The following CC2D2B variants were observed in gnomAD, a reference collection of about 807,000 sequenced individuals.
CC2D2B encodes coiled-coil and C2 domain containing 2B.
A neutral mutation model predicts 161.2 loss-of-function variants in CC2D2B; 128 were observed. That is an observed-to-expected ratio of 0.79 (90% CI 0.69 to 0.92). The LOEUF (loss-of-function observed/expected upper bound fraction) is 0.92, where lower values mean the gene tolerates loss of function less well. Ranked by LOEUF, CC2D2B falls within the 40% of genes least tolerant of loss-of-function variation. CC2D2B has a pLI of 0.00. For missense variants in CC2D2B, 1,173 were observed against 1,375.1 expected (o/e 0.85, Z 2.32); for synonymous variants, 391 against 449.8 (o/e 0.87, Z 1.65).
At position 95,996,125 on chromosome 10, in the gene CC2D2B, G is replaced by A. The variant is rs1039779221; in HGVS notation, c.2740-18G>A. 6.5e-6 allele frequency: 8 copies of A among 1,230,488 alleles called. No individual in the cohort carries two copies. In the African/African-American group the frequency reaches 7.5e-5, roughly 12 times the overall value. 76.2% of individuals were successfully genotyped at this position (1,230,488 alleles called of 1,614,324 possible). Reference sequence around the variant, plus strand: ...TATAGTATTTCAAAATCTAGTCAATGTTTATTATGTGTTTCAGGATACTGT... The same window carrying A: ...TATAGTATTTCAAAATCTAGTCAATATTTATTATGTGTTTCAGGATACTGT... On this transcript the variant is annotated intron_variant, in intron 23 of 34. Transcript: ENST00000646931.
At chr10:95,998,971 C>A (rs1389397410) in intron 24 of CC2D2B, among the ~76,000 whole-genome samples, 1 of 152,088 alleles carries the variant, frequency 6.6e-6, no homozygotes, top group Non-Finnish European at 1.5e-5. Flanking sequence ...ATCCCAGCTA[C>A]TTGGGAGGCT....
At position 95,983,646 on chromosome 10, in the gene CC2D2B, G is replaced by A. The variant is rs866686932; in HGVS notation, c.2123G>A (p.Arg708His). ...GGGCAGGATATTCCAAAGTATTTTC[G>A]TCTTGAACAGTTGCAAGATGAATTT... Reference protein sequence around the residue: ...LKGQDIPKYFRLEQLQDEFNF... With the variant: ...LKGQDIPKYFHLEQLQDEFNF... The change falls in exon 19 of 35, where the codon CGT becomes CAT. Residue 708 changes from arginine (R) to histidine (H), a missense_variant. Transcript: ENST00000646931. 2.8e-5 allele frequency: 35 copies of A among 1,231,592 alleles called. No homozygotes were observed. The highest frequency in any genetic ancestry group is 6.2e-4 in the Middle Eastern group (2 of 3,204). 76.3% of individuals were successfully genotyped at this position (1,231,592 alleles called of 1,614,324 possible).
intron 7 of CC2D2B, 122 bp downstream of exon 7, chr10:95,938,311 T>C: frequency 1.4e-6 from 1 of 701,954 alleles, no homozygotes; most frequent in Non-Finnish European, 2.4e-6. Context: ...TTTTCTATAT[T>C]TGTTTTTCAT....
intron 15 of CC2D2B, among the ~76,000 whole-genome samples, chr10:95,971,250 G>A (rs542286489): frequency 6.6e-6 from 1 of 152,060 alleles, no homozygotes; most frequent in African/African-American, 2.4e-5. Flanking sequence ...TTAGCCAGGT[G>A]TGGTGGTGGG....
At chr10:95,974,543 GATTA>G (rs1195652434) in intron 17 of CC2D2B, among the ~76,000 whole-genome samples, 1 of 152,106 alleles carries the variant, frequency 6.6e-6, no homozygotes, top group African/African-American at 2.4e-5. Flanking sequence ...TTAATTTTCA[GATTA>G]ATTATTTGTG....
chr10:95,930,960 A>G (rs7913608), intron 6 of CC2D2B, among the ~76,000 whole-genome samples: 90,548 of 152,052 alleles, frequency 0.6, 27,587 homozygotes, highest in African/African-American at 0.67. Context: ...AGAGGGAATG[A>G]TATCAGCTCC....
intron 19 of CC2D2B, among the ~76,000 whole-genome samples, chr10:95,985,845 C>T (rs2077697052): frequency 6.6e-6 from 1 of 152,082 alleles, no homozygotes; most frequent in South Asian, 2.1e-4. Context: ...CTAAAATGGC[C>T]GCTCTAGGGA....
In CC2D2B at chr10:95,924,319, G is replaced by C. The variant is rs1292047638; in HGVS notation, c.103G>C (p.Asp35His). The change falls in exon 4 of 35, where the codon GAT (aspartate) becomes CAT (histidine). Residue 35 changes from aspartate to histidine, a missense_variant. By Grantham distance (81) the Asp-to-His change is moderately conservative (BLOSUM62 -1). This residue lies in a region of CC2D2B where 298 missense variants were observed against 261.2 expected (regional missense o/e 1.14). Transcript: ENST00000646931. Reference protein sequence around the residue: ...IIDKHLQKDLDAEENQNVAKT... With the variant: ...IIDKHLQKDLHAEENQNVAKT... Reference sequence around the variant, plus strand: ...TTATGTTGGTTTCCTGATAGATTTAGATGCAGAAGAAAATCAAAATGTAGC... The same window carrying C: ...TTATGTTGGTTTCCTGATAGATTTACATGCAGAAGAAAATCAAAATGTAGC... 13 of 1,499,262 alleles carry C rather than the reference G, an allele frequency of 8.7e-6. No individual in the cohort carries two copies. In the Admixed American group the frequency reaches 2.7e-4, roughly 31 times the overall value. 92.9% of individuals were successfully genotyped at this position (1,499,262 alleles called of 1,614,324 possible).
At chr10:95,998,996 G>A (rs1055705465) in intron 24 of CC2D2B, among the ~76,000 whole-genome samples, 4 of 152,056 alleles carry the variant, frequency 2.6e-5, no homozygotes, top group African/African-American at 7.2e-5. Context: ...CAGGAGAATC[G>A]CTTGAACTCA....
intron 6 of CC2D2B, among the ~76,000 whole-genome samples, chr10:95,930,841 A>T (rs558155133): frequency 5.9e-5 from 9 of 151,996 alleles, no homozygotes; most frequent in Admixed American, 3.9e-4. Flanking sequence ...TTGGCCTGAA[A>T]TTTTCTTTTT....
intron 28 of CC2D2B, among the ~76,000 whole-genome samples, chr10:96,013,504 CTAAA>C (rs538878124): frequency 9.0e-5 from 12 of 133,866 alleles, no homozygotes; most frequent in African/African-American, 3.3e-4. Flanking sequence ...TAAATAATTA[CTAAA>C]TAAATAAATA....
chr10:95,992,821 A>C (rs2078007364), intron 22 of CC2D2B, 124 bp downstream of exon 22: 1 of 616,574 alleles, frequency 1.6e-6, no homozygotes, highest in South Asian at 8.8e-5. Flanking sequence ...AAAATGAATG[A>C]AAATTGAAAT....
chr10:96,000,298 A>G (rs751513238), intron 24 of CC2D2B: 28 of 734,196 alleles, frequency 3.8e-5, no homozygotes, highest in South Asian at 1.2e-4. Context: ...ACTTTTCTCT[A>G]TTTTTCTATT....
chr10:95,982,920 C>T (rs749305187), intron 18 of CC2D2B, among the ~76,000 whole-genome samples: 4 of 152,010 alleles, frequency 2.6e-5, no homozygotes, highest in South Asian at 4.2e-4. Context: ...TACAGCCACA[C>T]GCCACTGCGC....
At chr10:95,923,222 G>T (rs1309338070) in intron 3 of CC2D2B, among the ~76,000 whole-genome samples, 2 of 151,578 alleles carry the variant, frequency 1.3e-5, no homozygotes, top group African/African-American at 4.8e-5. Context: ...GATTACAGGC[G>T]TGAGCCACTG....
intron 22 of CC2D2B, among the ~76,000 whole-genome samples, chr10:95,993,942 GTATGTATGTGTATATATATA>G (rs1218801558): frequency 7.9e-4 from 20 of 25,376 alleles, no homozygotes; most frequent in African/African-American, 1.7e-3. Context: ...GTGTGTGTGT[GTATGTATGTGTATATATATA>G]TATATATATA....
chr10:96,009,847 G>T lies in CC2D2B; in HGVS notation c.2969G>T (p.Ser990Ile). Residue 990 changes from serine (S) to isoleucine (I), a missense_variant, in exon 26 of 35, where the codon AGT becomes ATT. Around this residue, in one of 3 missense-constraint regions of CC2D2B, gnomAD observed 598 missense variants for 693.2 expected, o/e 0.86. Coordinates refer to ENST00000646931, the MANE Select transcript of CC2D2B (RefSeq NM_001349008.3). ...KHEDHCLKSC[S>I]GHSYIRKNWL... ...TAGGATCACTGTCTCAAGAGCTGTAGTGGTCACTCATATATAAGAAAGAAT... is the reference window on the plus strand; with the variant it reads ...TAGGATCACTGTCTCAAGAGCTGTATTGGTCACTCATATATAAGAAAGAAT... 1 of 1,596,072 alleles carries T rather than the reference G, an allele frequency of 6.3e-7. No individual in the cohort carries two copies. The highest frequency in any genetic ancestry group is 2.2e-5 in the East Asian group (1 of 44,648).
intron 9 of CC2D2B, among the ~76,000 whole-genome samples, chr10:95,942,522 A>G (rs1272298883): frequency 6.6e-6 from 1 of 151,984 alleles, no homozygotes; most frequent in Non-Finnish European, 1.5e-5. Flanking sequence ...TTTCTTTTAT[A>G]TGTTTAAAAT....
intron 2 of CC2D2B, among the ~76,000 whole-genome samples, chr10:95,912,196 G>C (rs2098507574): frequency 6.6e-6 from 1 of 152,018 alleles, no homozygotes; most frequent in Non-Finnish European, 1.5e-5. Flanking sequence ...TGTTATTTCA[G>C]GAGTCTTTGC....
Sources: allele counts gnomAD v4.1 joint callset (sites outside exome capture counted in the v4.1 genomes callset), GRCh38; gene constraint gnomAD v4.1.1; regional missense constraint gnomAD v4.1.1; transcripts MANE v1.5; gene names NCBI Gene and HGNC (gene_info 2026-07-23, HGNC 2026-07-21).